MAPRE3: variants seen among roughly 807,000 people sequenced by gnomAD.
MAPRE3 encodes the protein microtubule-associated protein RP/EB family member 3.
Under a neutral mutation model 30.5 loss-of-function variants are expected in MAPRE3, and 2 were observed. The observed-to-expected ratio is 0.07, with a 90% CI of 0.03 to 0.21. The LOEUF (loss-of-function observed/expected upper bound fraction) is 0.21, where lower values mean the gene tolerates loss of function less well. MAPRE3 is among the 10% of genes least tolerant of loss of function. The pLI, the probability that MAPRE3 is intolerant of heterozygous loss-of-function variation, is 1.00. For missense variants in MAPRE3, 204 were observed against 351.8 expected (o/e 0.58, Z 3.36); for synonymous variants, 110 against 127.7 (o/e 0.86, Z 0.93).
chr2:27,003,865 AC>A (rs1666659924), intron 1 of MAPRE3, among the ~76,000 whole-genome samples: 2 of 152,342 alleles, frequency 1.3e-5, no homozygotes, highest in South Asian at 4.1e-4. Flanking sequence ...AATTCCATTA[AC>A]AACCTCTGAC....
At chr2:27,014,564 A>T (rs115604658) in intron 1 of MAPRE3, 3,664 of 152,460 alleles carry the variant, frequency 0.024, 70 homozygotes, top group South Asian at 0.045. Flanking sequence ...GCTGGGCTCC[A>T]GGCCAACCCT....
chr2:26,996,899 C>T lies in MAPRE3; in HGVS notation c.-7-25313C>T, dbSNP rs764229647. 6 of 152,220 alleles carry T rather than the reference C, an allele frequency of 3.9e-5. No individual in the cohort carries two copies. The East Asian group carries it at 7.7e-4, about 20-fold the overall frequency. The allele number at this position is 152,220 out of a possible 1,614,324, so 9.4% of individuals were successfully genotyped here. On this transcript the variant is annotated intron_variant, in intron 1 of 6. Transcript: ENST00000233121. ...GGAGGGAAAGTATCTAGTGAAGAAA[C>T]GGCTCTCACTTTCCAGGGGATCTTC...
intron 1 of MAPRE3, among the ~76,000 whole-genome samples, chr2:26,974,450 C>T (rs990562924): frequency 1.3e-5 from 2 of 152,132 alleles, no homozygotes; most frequent in Non-Finnish European, 2.9e-5. Context: ...TATTTGAAGT[C>T]TTTTCTACTT....
Position 26,978,784 on chromosome 2 carries a change from A to G in MAPRE3, c.-8+7982A>G, listed in dbSNP as rs571189020. On this transcript the variant is annotated intron_variant, in intron 1 of 6. Transcript: ENST00000233121. ...TCATCAAGCCCTTTCTCTGTTTTGTATTGTTAGTCACTATGGGATATAAAG... is the reference window on the plus strand; with the variant it reads ...TCATCAAGCCCTTTCTCTGTTTTGTGTTGTTAGTCACTATGGGATATAAAG... 1.8e-4 allele frequency among the ~76,000 whole-genome samples: 27 copies of G among 152,308 alleles called. 1 individual carries two copies. Among genetic ancestry groups the G allele is most frequent in the African/African-American group, 6.3e-4 (26 of 41,556 alleles).
Position 26,992,373 on chromosome 2 carries a change from T to C in MAPRE3, c.-8+21571T>C, listed in dbSNP as rs1666361498. Among the ~76,000 whole-genome samples the C allele has an allele frequency of 2.0e-5, 3 of 147,662 alleles. No homozygotes were observed. The South Asian group carries it at 6.7e-4, about 33-fold the overall frequency. ...TCCCAAGTAGCTGGGTTTACAGGCATGCACCACCACGCCTGGCTAATTTTG... is the reference window on the plus strand; with the variant it reads ...TCCCAAGTAGCTGGGTTTACAGGCACGCACCACCACGCCTGGCTAATTTTG... On this transcript the variant is annotated intron_variant, in intron 1 of 6. Coordinates refer to ENST00000233121, the MANE Select transcript of MAPRE3 (RefSeq NM_012326.4).
chr2:26,988,158 G>A (rs963975500), intron 1 of MAPRE3, among the ~76,000 whole-genome samples: 2 of 152,328 alleles, frequency 1.3e-5, no homozygotes, highest in East Asian at 3.9e-4. Flanking sequence ...GGCCCACTGT[G>A]AGCAGCCACA....
intron 1 of MAPRE3, among the ~76,000 whole-genome samples, chr2:27,001,143 T>C (rs1345119973): frequency 6.6e-6 from 1 of 152,220 alleles, no homozygotes; most frequent in Non-Finnish European, 1.5e-5. Flanking sequence ...TGCTTAATGA[T>C]GGGATACATT....
At chr2:26,997,496 G>T in intron 1 of MAPRE3, among the ~76,000 whole-genome samples, 1 of 152,166 alleles carries the variant, frequency 6.6e-6, no homozygotes, top group South Asian at 2.1e-4. Context: ...TACAGAACAC[G>T]CAGCCTAGAT....
intron 1 of MAPRE3, among the ~76,000 whole-genome samples, chr2:26,983,719 T>A (rs1348279545): frequency 6.6e-6 from 1 of 152,172 alleles, no homozygotes; most frequent in Admixed American, 6.5e-5. Flanking sequence ...CATTAGGAAA[T>A]AACTAGTTGT....
intron 1 of MAPRE3, chr2:27,013,842 G>C (rs2148221495): frequency 6.6e-6 from 1 of 152,416 alleles, no homozygotes; most frequent in South Asian, 2.1e-4. Flanking sequence ...TATCAGTAAA[G>C]GTTGCTCAGC....
At chr2:26,980,974 T>G (rs1666102823) in intron 1 of MAPRE3, among the ~76,000 whole-genome samples, 1 of 152,154 alleles carries the variant, frequency 6.6e-6, no homozygotes, top group African/African-American at 2.4e-5. Context: ...CCCCTGACTT[T>G]TAGGGTGAAG....
intron 1 of MAPRE3, chr2:27,011,867 AAGAG>A (rs558783260): frequency 3.0e-5 from 4 of 134,830 alleles, no homozygotes; most frequent in Admixed American, 1.5e-4. Flanking sequence ...AAAAAAAAGA[AAGAG>A]AGAGGTTAAG....
At chr2:27,004,237 A>C (rs1666672451) in intron 1 of MAPRE3, among the ~76,000 whole-genome samples, 1 of 152,086 alleles carries the variant, frequency 6.6e-6, no homozygotes, top group South Asian at 2.1e-4. Flanking sequence ...TTTTTCATGC[A>C]CCATGCTGCC....
At chr2:27,004,753 G>A (rs1666684947) in intron 1 of MAPRE3, among the ~76,000 whole-genome samples, 1 of 148,002 alleles carries the variant, frequency 6.8e-6, no homozygotes, top group Non-Finnish European at 1.5e-5. Context: ...AAAAGTAAAT[G>A]CCATGGATAT....
intron 1 of MAPRE3, among the ~76,000 whole-genome samples, chr2:26,982,330 G>C (rs552343675): frequency 5.3e-5 from 8 of 152,340 alleles, no homozygotes; most frequent in African/African-American, 1.7e-4. Flanking sequence ...GCTGATAGCA[G>C]GGGACTTAAC....
chr2:27,024,019 G>A lies in MAPRE3; in HGVS notation c.268-77G>A, dbSNP rs982432377. 1.8e-5 allele frequency: 21 copies of A among 1,158,272 alleles called. No homozygotes were observed. The African/African-American group carries it at 2.4e-4, about 13-fold the overall frequency. 71.7% of individuals were successfully genotyped at this position (1,158,272 alleles called of 1,614,324 possible). A position where few individuals can be genotyped will look rare whatever the true frequency, so the allele number is the denominator to read the frequency against. On this transcript the variant is annotated intron_variant, in intron 3 of 6. Coordinates refer to ENST00000233121, the MANE Select transcript of MAPRE3 (RefSeq NM_012326.4). ...AGCCCAGGGGCTGGCTTTCCTGAGA[G>A]CAGTGGCCCTCAGCAGAGGAAGGCG...
chr2:26,975,933 C>T (rs1666007439), intron 1 of MAPRE3, among the ~76,000 whole-genome samples: 1 of 151,016 alleles, frequency 6.6e-6, no homozygotes. Flanking sequence ...CCTACCCCAT[C>T]AACTCTTCCT....
intron 1 of MAPRE3, among the ~76,000 whole-genome samples, chr2:27,010,439 C>CTTTTTTTT (rs71401549): frequency 3.5e-5 from 4 of 115,494 alleles, no homozygotes; most frequent in East Asian, 2.7e-4. Context: ...ATCTGTATTT[C>CTTTTTTTT]TTTTTTTTTT....
At chr2:27,003,521 C>CTT (rs1044301275) in intron 1 of MAPRE3, among the ~76,000 whole-genome samples, 2 of 152,178 alleles carry the variant, frequency 1.3e-5, no homozygotes, top group Admixed American at 6.5e-5. Flanking sequence ...TGTCTACGAG[C>CTT]TTTTCTCATA....
Sources: allele counts gnomAD v4.1 joint callset (sites outside exome capture counted in the v4.1 genomes callset), GRCh38; gene constraint gnomAD v4.1.1; transcripts MANE v1.5; gene names NCBI Gene and HGNC (gene_info 2026-07-23, HGNC 2026-07-21).